Variants in HTR3B observed in about 807,000 individuals in gnomAD.
HTR3B encodes the protein 5-hydroxytryptamine receptor 3B.
HTR3B carries 44 observed loss-of-function variants against 42.8 expected under a neutral mutation model. The observed-to-expected ratio is 1.03, with a 90% CI of 0.81 to 1.32. The LOEUF (loss-of-function observed/expected upper bound fraction) is 1.32. Ranked by LOEUF, HTR3B falls within the 40% of genes most tolerant of loss-of-function variation. HTR3B has a pLI of 0.00. For synonymous variants in HTR3B, 203 were observed against 209.0 expected (o/e 0.97, Z 0.25); for missense variants, 527 against 536.5 (o/e 0.98, Z 0.17).
chr11:113,922,594 C>T (rs151046386), intron 2 of HTR3B, among the ~76,000 whole-genome samples: 1,614 of 152,004 alleles, frequency 0.011, 16 homozygotes, highest in African/African-American at 0.037. Flanking sequence ...CTCGCTCTGT[C>T]GCCCAGGCTG....
At chr11:113,904,789 A>G (rs1949721847), upstream of HTR3B, 1 of 658,968 alleles carries the variant, frequency 1.5e-6, no homozygotes, top group Non-Finnish European at 2.8e-6. Context: ...CTGAGTGTTT[A>G]CAAAATAGCA....
Position 113,931,872 on chromosome 11 carries a change from G to C in HTR3B, c.368+5G>C, listed in dbSNP as rs373674470. ...CGATATCATCATCAATGAGTTGTAAGTGTGCCAGTGTGTATTTCTGTGGGG... is the reference window on the plus strand; with the variant it reads ...CGATATCATCATCAATGAGTTGTAACTGTGCCAGTGTGTATTTCTGTGGGG... On this transcript the variant is annotated splice_donor_5th_base_variant and intron_variant, in intron 4 of 8. Transcript: ENST00000260191. 3.5e-5 allele frequency: 52 copies of C among 1,481,382 alleles called. No individual in the cohort carries two copies. The highest frequency in any genetic ancestry group is 4.8e-5 in the Non-Finnish European group (51 of 1,058,714). 91.8% of individuals were successfully genotyped at this position (1,481,382 alleles called of 1,614,324 possible).
In HTR3B at chr11:113,904,841, A is replaced by T; in HGVS notation, c.-93A>T. 1 of 978,800 alleles carries T rather than the reference A, an allele frequency of 1.0e-6. No homozygotes were observed. Among genetic ancestry groups the T allele is most frequent in the Non-Finnish European group, 1.7e-6 (1 of 604,192 alleles). The allele number at this position is 978,800 out of a possible 1,614,324, so 60.6% of individuals were successfully genotyped here. A position where few individuals can be genotyped will look rare whatever the true frequency, so the allele number is the denominator to read the frequency against. On this transcript the variant is annotated 5_prime_UTR_variant, in exon 1 of 9. Transcript: ENST00000260191. ...CAACTGGCAAACGGAGAAGGAGGAG[A>T]ACAGAGTGGAGAGGAACCCTGTTAG...
At position 113,944,673 on chromosome 11, in the gene HTR3B, GCA is replaced by G; in HGVS notation, c.1009_1010del (p.Gln337AlafsTer12). The G allele has an allele frequency of 6.2e-7, 1 of 1,614,208 alleles. No homozygotes were observed. The highest frequency in any genetic ancestry group is 1.3e-5 in the African/African-American group (1 of 75,058). On this transcript the variant is annotated frameshift_variant, in exon 8 of 9. Transcript: ENST00000260191. LOFTEE classifies it high-confidence loss of function. ...ATGATGAGCAGCGTGGTGGACAGGA[GCA>G]GCCCTTCTTGTGCCTTCGAGGGGAC... is the stretch of plus-strand genomic sequence containing the variant. ...LHDEQRGGQEQPFLCLRGDTD... is the reference protein window; with the variant it reads ...LHDEQRGGQEXPFLCLRGDTD...
chr11:113,928,914 G>A (rs961325147), intron 2 of HTR3B, among the ~76,000 whole-genome samples: 3 of 152,134 alleles, frequency 2.0e-5, no homozygotes, highest in Non-Finnish European at 4.4e-5. Flanking sequence ...CTATTCATCT[G>A]TCGATGGACA....
In HTR3B at chr11:113,943,071, C is replaced by A; in HGVS notation, c.786C>A (p.Tyr262Ter). The A allele has an allele frequency of 6.2e-7, 1 of 1,614,084 alleles. No individual in the cohort carries two copies. Reference sequence around the variant, plus strand: ...TGCTGGTGGACCTGGGGAGCTTCTACCTGCCACCCAACTGCCGAGCCAGGA... The same window carrying A: ...TGCTGGTGGACCTGGGGAGCTTCTAACTGCCACCCAACTGCCGAGCCAGGA... ...FLMLVDLGSF[Y>*]LPPNCRARIV... The change falls in exon 7 of 9, where the codon TAC becomes TAA. Residue 262 changes from tyrosine to a stop codon, truncating the protein, a stop_gained. Transcript: ENST00000260191. LOFTEE classifies it high-confidence loss of function.
intron 6 of HTR3B, among the ~76,000 whole-genome samples, chr11:113,939,282 T>C (rs1406434729): frequency 6.6e-6 from 1 of 152,244 alleles, no homozygotes; most frequent in Non-Finnish European, 1.5e-5. Context: ...CCCTCTGCCT[T>C]CATTTACTGT....
Position 113,946,225 on chromosome 11 carries a change from G to C in HTR3B, c.*88G>C. 1 of 1,044,852 alleles carries C rather than the reference G, an allele frequency of 9.6e-7. No individual in the cohort carries two copies. The allele number at this position is 1,044,852 out of a possible 1,614,324, so 64.7% of individuals were successfully genotyped here. Reference sequence around the variant, plus strand: ...TGGGTTAAAAAGCTTTCTGGGTCGGGTGTGGTGGTTCTTGCCTATAGTCCC... The same window carrying C: ...TGGGTTAAAAAGCTTTCTGGGTCGGCTGTGGTGGTTCTTGCCTATAGTCCC... On this transcript the variant is annotated 3_prime_UTR_variant, in exon 9 of 9. Transcript: ENST00000260191.
Position 113,946,934 on chromosome 11 carries a change from T to A in HTR3B, c.*797T>A, listed in dbSNP as rs1185027. On this transcript the variant is annotated 3_prime_UTR_variant, in exon 9 of 9. Coordinates refer to ENST00000260191, the MANE Select transcript of HTR3B (RefSeq NM_006028.5). ...GTCAGCACAGGTTATTATTCACTTG[T>A]TGTGATTCCCATGGTCAACCTGGTA... is the stretch of plus-strand genomic sequence containing the variant. Among the ~76,000 whole-genome samples the A allele has an allele frequency of 0.67, 102,549 of 152,042 alleles. 35,973 individuals carry two copies. Among genetic ancestry groups the A allele is most frequent in the African/African-American group, 0.86 (35,738 of 41,478 alleles).
At chr11:113,939,988 G>A (rs1203642479) in intron 6 of HTR3B, among the ~76,000 whole-genome samples, 1 of 151,130 alleles carries the variant, frequency 6.6e-6, no homozygotes, top group Non-Finnish European at 1.5e-5. Flanking sequence ...TTGAGTTCAA[G>A]CGATTCTCCT....
rs1565569016 is a variant in HTR3B at position 113,944,604 on chromosome 11, G to T, written c.939G>T (p.Leu313Phe). The T allele has an allele frequency of 1.2e-6, 2 of 1,614,128 alleles. No individual in the cohort carries two copies. Among genetic ancestry groups the T allele is most frequent in the African/African-American group, 1.3e-5 (1 of 75,036 alleles). ...TCTTCACCATCTGCATGGCCTTCTT[G>T]GTTCTCAGCTTAGCTAAGTCCATCG... ...GHFFTICMAFLVLSLAKSIVL... is the reference protein window; with the variant it reads ...GHFFTICMAFFVLSLAKSIVL... Residue 313 changes from leucine to phenylalanine, a missense_variant, in exon 8 of 9, where the codon TTG becomes TTT. Physicochemically the swap from Leu to Phe is conservative, Grantham distance 22. Transcript: ENST00000260191.
chr11:113,913,920 T>A (rs1409499516), intron 2 of HTR3B, among the ~76,000 whole-genome samples: 1 of 152,186 alleles, frequency 6.6e-6, no homozygotes, highest in Non-Finnish European at 1.5e-5. Context: ...AAAGCTGACC[T>A]GACATGCTCT....
chr11:113,913,123 T>C (rs974486425), intron 2 of HTR3B, among the ~76,000 whole-genome samples: 2 of 150,728 alleles, frequency 1.3e-5, no homozygotes, highest in African/African-American at 4.8e-5. Flanking sequence ...TTACAATGAA[T>C]AGAAATTTTC....
In HTR3B at chr11:113,904,819, C is replaced by A; in HGVS notation, c.-115C>A. ...ATAGCACCAGTAAGGATAGCATCAACTGGCAAACGGAGAAGGAGGAGAACA... is the reference window on the plus strand; with the variant it reads ...ATAGCACCAGTAAGGATAGCATCAAATGGCAAACGGAGAAGGAGGAGAACA... On this transcript the variant is annotated 5_prime_UTR_variant, in exon 1 of 9. It adds an upstream start codon to the 5' untranslated region. Coordinates refer to ENST00000260191, the MANE Select transcript of HTR3B (RefSeq NM_006028.5). The A allele has an allele frequency of 1.2e-6, 1 of 808,502 alleles. No individual in the cohort carries two copies. The highest frequency in any genetic ancestry group is 2.2e-6 in the Non-Finnish European group (1 of 463,192). The allele number at this position is 808,502 out of a possible 1,614,324, so 50.1% of individuals were successfully genotyped here.
chr11:113,946,944 C>T lies in HTR3B; in HGVS notation c.*807C>T, dbSNP rs1245450188. 6.6e-6 allele frequency among the ~76,000 whole-genome samples: 1 copy of T among 152,170 alleles called. No individual in the cohort carries two copies. The highest frequency in any genetic ancestry group is 1.9e-4 in the East Asian group (1 of 5,194). On this transcript the variant is annotated 3_prime_UTR_variant, in exon 9 of 9. Transcript: ENST00000260191. ...GTTATTATTCACTTGTTGTGATTCC[C>T]ATGGTCAACCTGGTACCAACCAACC...
chr11:113,934,855 C>T (rs1007478254), intron 6 of HTR3B, among the ~76,000 whole-genome samples: 11 of 151,874 alleles, frequency 7.2e-5, no homozygotes, highest in Admixed American at 1.3e-4. Context: ...TAATGCAGCC[C>T]GAATAATGGA....
At chr11:113,931,714 A>AT (rs1950036245) in intron 3 of HTR3B, 44 bp from the exon 4 acceptor site, 1 of 1,090,668 alleles carries the variant, frequency 9.2e-7, no homozygotes, top group African/African-American at 1.5e-5. Flanking sequence ...CGAAGTAGAT[A>AT]TTGCCCCATT....
intron 2 of HTR3B, among the ~76,000 whole-genome samples, chr11:113,914,205 C>T (rs944007467): frequency 3.9e-5 from 6 of 151,926 alleles, no homozygotes; most frequent in African/African-American, 9.7e-5. Flanking sequence ...CAGTGGCTTA[C>T]GCCTGTAATC....
chr11:113,904,098 G>A (rs1225920334), upstream of HTR3B, among the ~76,000 whole-genome samples: 1 of 152,090 alleles, frequency 6.6e-6, no homozygotes, highest in East Asian at 1.9e-4. Flanking sequence ...GAGCATCTGG[G>A]GGTGTCTAGA....
Sources: gnomAD v4.1 joint callset for allele counts (sites outside exome capture counted in the v4.1 genomes callset) on GRCh38, gnomAD v4.1.1 for gene constraint, MANE v1.5 for transcripts, NCBI Gene and HGNC (gene_info 2026-07-23, HGNC 2026-07-21) for gene names.